The following ITPR1 variants were observed in gnomAD, a reference collection of about 807,000 sequenced individuals.
ITPR1 encodes inositol 1,4,5-trisphosphate receptor type 1.
In ITPR1, 96 loss-of-function variants were observed where a neutral mutation model predicts 318.4. That is an observed-to-expected ratio of 0.30 (90% CI 0.26 to 0.36). The LOEUF (loss-of-function observed/expected upper bound fraction) is 0.36. Ranked by LOEUF, ITPR1 falls within the 10% of genes least tolerant of loss-of-function variation. ITPR1 has a pLI of 1.00. For synonymous variants in ITPR1, 1,312 were observed against 1,289.9 expected, an observed-to-expected ratio of 1.02 and a Z score of -0.37; for missense variants, 2,440 against 3,460.2, an observed-to-expected ratio of 0.71 and a Z score of 7.40.
intron 51 of ITPR1, 133 bp from the exon 52 acceptor site, chr3:4,787,814 C>G: frequency 1.7e-6 from 1 of 601,274 alleles, no homozygotes; most frequent in East Asian, 3.1e-5. Context: ...AGACACACAG[C>G]CCAGTTTGGG....
intron 42 of ITPR1, 148 bp downstream of exon 42, chr3:4,727,321 T>C (rs2042588599): frequency 1.8e-6 from 1 of 540,596 alleles, no homozygotes; most frequent in African/African-American, 1.9e-5. Flanking sequence ...GCCATGTATA[T>C]AAATGAAACT....
rs73095844 is a variant in ITPR1 at position 4,756,324 on chromosome 3, A to T, written c.5545-10206A>T. On this transcript the variant is annotated intron_variant, in intron 44 of 61. Transcript: ENST00000649015. ...TTATAGCTAGTGAAATTTCAGCCAA[A>T]TTTTTTTTTAACTTTTACTTTAGGT... 2.6e-3 allele frequency among the ~76,000 whole-genome samples: 402 copies of T among 151,776 alleles called. 1 individual carries two copies. The highest frequency in any genetic ancestry group is 9.2e-3 in the African/African-American group (380 of 41,376).
chr3:4,663,291 C>T (rs1244707576), intron 16 of ITPR1, 85 bp downstream of exon 16: 2 of 1,307,798 alleles, frequency 1.5e-6, no homozygotes, highest in East Asian at 2.5e-5. Flanking sequence ...AGTCCCAGCA[C>T]TTTGGGAAGC....
intron 4 of ITPR1, among the ~76,000 whole-genome samples, chr3:4,531,077 C>T (rs1184199897): frequency 2.6e-5 from 4 of 152,062 alleles, no homozygotes; most frequent in Non-Finnish European, 1.5e-5. Context: ...GTTATGTCCC[C>T]ATTTTACAGT....
At position 4,538,004 on chromosome 3, in the gene ITPR1, G is replaced by A. The variant is rs78035516; in HGVS notation, c.163+16910G>A. On this transcript the variant is annotated intron_variant, in intron 4 of 61. Coordinates refer to ENST00000649015, the MANE Select transcript of ITPR1 (RefSeq NM_001378452.1). ...GCTTTATTAATTCTTTCTACGATAG[G>A]TTGGTTTTGAAGTTCATTAATGTTT... Among the ~76,000 whole-genome samples, 1,389 of 151,916 alleles carry A rather than the reference G, an allele frequency of 9.1e-3. 27 individuals are homozygous for A. Among genetic ancestry groups the A allele is most frequent in the African/African-American group, 0.032 (1,316 of 41,444 alleles).
intron 4 of ITPR1, among the ~76,000 whole-genome samples, chr3:4,531,083 A>G (rs958599937): frequency 6.6e-6 from 1 of 152,042 alleles, no homozygotes; most frequent in Non-Finnish European, 1.5e-5. Context: ...TCCCCATTTT[A>G]CAGTTGGGCA....
chr3:4,691,196 G>A lies in ITPR1; in HGVS notation c.3881G>A (p.Cys1294Tyr). 1.2e-6 allele frequency: 2 copies of A among 1,613,194 alleles called. No individual in the cohort carries two copies. Among genetic ancestry groups the A allele is most frequent in the Non-Finnish European group, 1.7e-6 (2 of 1,179,434 alleles). ...QHIFMNNFQLCSEINERVVQH... is the reference protein window; with the variant it reads ...QHIFMNNFQLYSEINERVVQH... The stretch of plus-strand genomic sequence containing the variant: ...ATCTTCATGAACAATTTCCAGCTTT[G>A]CAGTGAGATCAACGAGAGAGTTGTT... The change falls in exon 32 of 62, where the codon TGC (cysteine) becomes TAC (tyrosine). Residue 1294 changes from cysteine to tyrosine, a missense_variant. Cys to Tyr is a radical substitution (Grantham distance 194). Coordinates refer to ENST00000649015, the MANE Select transcript of ITPR1 (RefSeq NM_001378452.1).
intron 24 of ITPR1, among the ~76,000 whole-genome samples, chr3:4,677,756 G>A (rs1228220137): frequency 6.6e-6 from 1 of 152,100 alleles, no homozygotes; most frequent in African/African-American, 2.4e-5. Context: ...TAACAAGCTT[G>A]TATGGTGAAT....
intron 2 of ITPR1, among the ~76,000 whole-genome samples, chr3:4,503,976 G>T (rs1187762048): frequency 6.6e-6 from 1 of 151,990 alleles, no homozygotes; most frequent in Admixed American, 6.6e-5. Flanking sequence ...GAGCCCTGTG[G>T]TCTATCTTTG....
At chr3:4,677,914 A>C (rs2094216633) in intron 24 of ITPR1, among the ~76,000 whole-genome samples, 1 of 125,802 alleles carries the variant, frequency 7.9e-6, no homozygotes, top group Non-Finnish European at 1.9e-5. Context: ...AAGCCTCTCT[A>C]CAGCTTTGAA....
intron 17 of ITPR1, 40 bp downstream of exon 17, chr3:4,665,336 C>G: frequency 6.4e-7 from 1 of 1,567,492 alleles, no homozygotes; most frequent in Non-Finnish European, 8.7e-7. Flanking sequence ...TGTCAGTTTC[C>G]TCCCTGAAGT....
intron 13 of ITPR1, among the ~76,000 whole-genome samples, chr3:4,659,340 T>C (rs2093782383): frequency 6.6e-6 from 1 of 152,242 alleles, no homozygotes. Context: ...GTATGTTTTA[T>C]ACATATCTCC....
At chr3:4,521,299 C>G (rs1252934860) in intron 4 of ITPR1, among the ~76,000 whole-genome samples, 1 of 152,042 alleles carries the variant, frequency 6.6e-6, no homozygotes, top group Non-Finnish European at 1.5e-5. Flanking sequence ...TTTACTGGGT[C>G]CTTAATTTGT....
intron 4 of ITPR1, among the ~76,000 whole-genome samples, chr3:4,591,920 A>G (rs556122827): frequency 6.6e-6 from 1 of 152,312 alleles, no homozygotes; most frequent in Non-Finnish European, 1.5e-5. Context: ...ACATAATCAG[A>G]CTTTTCAAGG....
intron 4 of ITPR1, among the ~76,000 whole-genome samples, chr3:4,523,462 C>T (rs2082722277): frequency 6.6e-6 from 1 of 151,944 alleles, no homozygotes; most frequent in Non-Finnish European, 1.5e-5. Flanking sequence ...AAAAACTACT[C>T]TTAGTGAGTT....
intron 4 of ITPR1, among the ~76,000 whole-genome samples, chr3:4,562,243 A>C (rs1371338510): frequency 6.6e-6 from 1 of 152,234 alleles, no homozygotes; most frequent in African/African-American, 2.4e-5. Context: ...GCTCATCAAA[A>C]TATCTTGCTA....
intron 56 of ITPR1, among the ~76,000 whole-genome samples, chr3:4,811,916 G>A (rs567884140): frequency 6.6e-6 from 1 of 152,240 alleles, no homozygotes; most frequent in South Asian, 2.1e-4. Flanking sequence ...ATCAGATCAT[G>A]GTACATCCAT....
At chr3:4,843,110 T>C (rs2051484671) in intron 61 of ITPR1, among the ~76,000 whole-genome samples, 1 of 147,568 alleles carries the variant, frequency 6.8e-6, no homozygotes, top group South Asian at 2.2e-4. Flanking sequence ...CTCTTGTAAT[T>C]GGATGATGAC....
chr3:4,617,351 C>T (rs991483793), intron 4 of ITPR1, among the ~76,000 whole-genome samples: 1 of 152,106 alleles, frequency 6.6e-6, no homozygotes, highest in African/African-American at 2.4e-5. Context: ...CTGGTGATGG[C>T]CTGGTCTCTG....
Sources: allele counts gnomAD v4.1 joint callset (sites outside exome capture counted in the v4.1 genomes callset), GRCh38; gene constraint gnomAD v4.1.1; transcripts MANE v1.5; gene names NCBI Gene and HGNC (gene_info 2026-07-23, HGNC 2026-07-21).